The following CNOT2 variants were observed in gnomAD, a reference collection of about 807,000 sequenced individuals.
The protein encoded by CNOT2 is CCR4-NOT transcription complex subunit 2, also known as CC chemokine receptor 4-negative regulator of transcription 2.
Under a neutral mutation model 72.1 loss-of-function variants are expected in CNOT2, and 7 were observed. The observed-to-expected ratio is 0.10, with a 90% CI of 0.06 to 0.18. CNOT2 has a LOEUF of 0.18. Among genes scored for constraint, CNOT2 ranks in the 10% least tolerant of loss-of-function variants. The pLI, the probability that CNOT2 is intolerant of heterozygous loss-of-function variation, is 1.00. For synonymous variants in CNOT2, 196 were observed against 225.6 expected (o/e 0.87, Z 1.17); for missense variants, 345 against 660.3 (o/e 0.52, Z 5.23).
chr12:70,337,941 C>A, intron 9 of CNOT2: 1 of 304,414 alleles, frequency 3.3e-6, no homozygotes. Flanking sequence ...CTGAAAATAG[C>A]TTTTCTCTGT....
At chr12:70,297,722 C>T (rs1182640267) in intron 2 of CNOT2, 1 of 344,690 alleles carries the variant, frequency 2.9e-6, no homozygotes, top group Non-Finnish European at 5.7e-6. Context: ...CTGAAGCCCT[C>T]CTTGGATAAT....
chr12:70,247,173 T>G (rs930380157), intron 1 of CNOT2, among the ~76,000 whole-genome samples: 1 of 152,074 alleles, frequency 6.6e-6, no homozygotes, highest in African/African-American at 2.4e-5. Flanking sequence ...TATTCTTTTT[T>G]TTTTTTCTTT....
At chr12:70,272,059 G>A (rs1011547744) in intron 1 of CNOT2, among the ~76,000 whole-genome samples, 5 of 152,076 alleles carry the variant, frequency 3.3e-5, no homozygotes, top group East Asian at 1.9e-4. Flanking sequence ...TTAACCTTCC[G>A]GTTGCTGGTC....
chr12:70,253,014 T>G (rs1025217785), intron 1 of CNOT2, among the ~76,000 whole-genome samples: 1 of 152,144 alleles, frequency 6.6e-6, no homozygotes, highest in African/African-American at 2.4e-5. Context: ...GCTCTTAGAG[T>G]CTAAACATGT....
chr12:70,274,201 A>G (rs1868378749), intron 1 of CNOT2, among the ~76,000 whole-genome samples: 1 of 152,116 alleles, frequency 6.6e-6, no homozygotes, highest in African/African-American at 2.4e-5. Context: ...TAAAACATCC[A>G]TGTGATCAAG....
intron 2 of CNOT2, among the ~76,000 whole-genome samples, chr12:70,280,540 T>A (rs1419028011): frequency 6.6e-6 from 1 of 152,184 alleles, no homozygotes; most frequent in Non-Finnish European, 1.5e-5. Context: ...TCATTTATCT[T>A]TGAGGGCTTT....
intron 1 of CNOT2, among the ~76,000 whole-genome samples, chr12:70,259,524 A>G (rs906431641): frequency 3.3e-5 from 5 of 152,146 alleles, no homozygotes; most frequent in Non-Finnish European, 4.4e-5. Flanking sequence ...GGAGACCCCA[A>G]TCATGGCCCT....
At chr12:70,250,146 A>G (rs1958070477) in intron 1 of CNOT2, among the ~76,000 whole-genome samples, 1 of 152,152 alleles carries the variant, frequency 6.6e-6, no homozygotes, top group African/African-American at 2.4e-5. Flanking sequence ...ATGTGTGTAA[A>G]AAAATTGTAA....
intron 1 of CNOT2, among the ~76,000 whole-genome samples, chr12:70,267,708 C>T (rs555740621): frequency 1.3e-5 from 2 of 152,324 alleles, no homozygotes; most frequent in African/African-American, 2.4e-5. Context: ...TTCAGATACT[C>T]GTCACACAGT....
chr12:70,338,205 AATAAG>A (rs1880963947), intron 9 of CNOT2: 3 of 353,462 alleles, frequency 8.5e-6, no homozygotes, highest in Admixed American at 4.3e-5. Flanking sequence ...ATCTGAGATA[AATAAG>A]ATATTTTCCC....
At chr12:70,304,808 G>T (rs1168183108) in intron 2 of CNOT2, among the ~76,000 whole-genome samples, 1 of 152,234 alleles carries the variant, frequency 6.6e-6, no homozygotes, top group African/African-American at 2.4e-5. Flanking sequence ...TCCTTGAGCT[G>T]TGGTGGGCTC....
chr12:70,297,489 G>A (rs1873014740), intron 2 of CNOT2, among the ~76,000 whole-genome samples: 2 of 152,022 alleles, frequency 1.3e-5, no homozygotes, highest in Non-Finnish European at 2.9e-5. Flanking sequence ...TTGCTACTAG[G>A]GAATTGTTTT....
At chr12:70,349,952 G>A (rs1294483594) in intron 15 of CNOT2, among the ~76,000 whole-genome samples, 1 of 152,056 alleles carries the variant, frequency 6.6e-6, no homozygotes, top group Non-Finnish European at 1.5e-5. Context: ...AGGTTGCAGT[G>A]AGCTGTGATT....
chr12:70,278,204 CT>C lies in CNOT2; in HGVS notation c.-22del. The C allele has an allele frequency of 6.4e-7, 1 of 1,552,496 alleles. No individual in the cohort carries two copies. The highest frequency in any genetic ancestry group is 8.8e-7 in the Non-Finnish European group (1 of 1,136,070). On this transcript the variant is annotated 5_prime_UTR_variant, in exon 2 of 16. Transcript: ENST00000229195. ...CAGTTCTATTTGATTGCCTCCGGTACTGTGAGGAAAGGACACGACTCTATGG... is the reference window on the plus strand; with the variant it reads ...CAGTTCTATTTGATTGCCTCCGGTACGTGAGGAAAGGACACGACTCTATGG...
At chr12:70,291,868 C>T (rs549728455) in intron 2 of CNOT2, among the ~76,000 whole-genome samples, 64 of 152,224 alleles carry the variant, frequency 4.2e-4, no homozygotes, top group African/African-American at 1.4e-3. Flanking sequence ...ACCAGGGAGG[C>T]GGAGTTTGCA....
intron 2 of CNOT2, among the ~76,000 whole-genome samples, chr12:70,305,811 C>T (rs1238127017): frequency 6.7e-6 from 1 of 150,188 alleles, no homozygotes; most frequent in African/African-American, 2.5e-5. Flanking sequence ...ATTCATCCTG[C>T]CTGTATCAGG....
intron 1 of CNOT2, among the ~76,000 whole-genome samples, chr12:70,262,210 T>G (rs534683296): frequency 2.5e-4 from 38 of 152,304 alleles, no homozygotes; most frequent in African/African-American, 8.9e-4. Context: ...TTATATCGGC[T>G]CTCATCTTTA....
At chr12:70,281,446 T>A (rs1307567220) in intron 2 of CNOT2, among the ~76,000 whole-genome samples, 1 of 152,236 alleles carries the variant, frequency 6.6e-6, no homozygotes, top group Non-Finnish European at 1.5e-5. Context: ...ACTTTCCAAA[T>A]TCTGGCCTCC....
At chr12:70,345,429 A>C (rs949639175) in intron 14 of CNOT2, 3 of 152,196 alleles carry the variant, frequency 2.0e-5, no homozygotes, top group East Asian at 3.9e-4. Flanking sequence ...ACATTCAGGC[A>C]CTCATTCATC....
Sources: gnomAD v4.1 joint callset for allele counts (sites outside exome capture counted in the v4.1 genomes callset) on GRCh38, gnomAD v4.1.1 for gene constraint, MANE v1.5 for transcripts, NCBI Gene and HGNC (gene_info 2026-07-23, HGNC 2026-07-21) for gene names.